Variants in RPS6KB1 observed in about 807,000 individuals in gnomAD.
RPS6KB1 encodes ribosomal protein S6 kinase beta-1.
RPS6KB1 carries 12 observed loss-of-function variants against 70.2 expected under a neutral mutation model. The ratio of observed to expected loss-of-function variants is 0.17; its 90% confidence interval spans 0.11 to 0.28. RPS6KB1 has a LOEUF of 0.28. RPS6KB1 is among the 10% of genes least tolerant of loss of function. The pLI is 1.00. For synonymous variants in RPS6KB1, 175 were observed against 211.2 expected (o/e 0.83, Z 1.49); for missense variants, 270 against 646.6 (o/e 0.42, Z 6.32).
intron 10 of RPS6KB1, 48 bp downstream of exon 10, chr17:59,935,348 A>G (rs2044166299): frequency 2.1e-6 from 2 of 949,190 alleles, no homozygotes; most frequent in African/African-American, 1.6e-5. Flanking sequence ...AATGACTAGG[A>G]TTTAACTAGA....
intron 1 of RPS6KB1, among the ~76,000 whole-genome samples, chr17:59,898,532 C>T (rs2041704107): frequency 6.6e-6 from 1 of 151,946 alleles, no homozygotes; most frequent in South Asian, 2.1e-4. Flanking sequence ...CGGCTCACTG[C>T]AACCTCTGCC....
intron 1 of RPS6KB1, among the ~76,000 whole-genome samples, chr17:59,902,106 T>G (rs2041992381): frequency 7.3e-6 from 1 of 137,706 alleles, no homozygotes; most frequent in South Asian, 2.5e-4. Context: ...TTCACTTTTT[T>G]TTTTTTTTTT....
intron 5 of RPS6KB1, among the ~76,000 whole-genome samples, chr17:59,929,049 T>G (rs1042819915): frequency 4.6e-5 from 7 of 152,200 alleles, no homozygotes; most frequent in Admixed American, 4.6e-4. Flanking sequence ...GACGTTTTTG[T>G]CTTTGTAATT....
At chr17:59,931,805 C>A in intron 7 of RPS6KB1, 83 bp downstream of exon 7, 1 of 822,922 alleles carries the variant, frequency 1.2e-6, no homozygotes, top group East Asian at 2.6e-5. Context: ...TTCAAAGCCC[C>A]AAATTCATCT....
chr17:59,902,263 C>T (rs1282891579), intron 1 of RPS6KB1, among the ~76,000 whole-genome samples: 1 of 151,712 alleles, frequency 6.6e-6, no homozygotes, highest in Non-Finnish European at 1.5e-5. Flanking sequence ...CGCCACCACA[C>T]CTGGCTAATT....
intron 1 of RPS6KB1, among the ~76,000 whole-genome samples, chr17:59,896,026 T>C (rs1266044093): frequency 6.6e-6 from 1 of 152,190 alleles, no homozygotes; most frequent in Non-Finnish European, 1.5e-5. Context: ...GAAACAAATA[T>C]GAGATTACTT....
intron 13 of RPS6KB1, 69 bp from the exon 14 acceptor site, chr17:59,945,337 T>C (rs912110107): frequency 2.2e-5 from 18 of 807,034 alleles, no homozygotes; most frequent in Middle Eastern, 3.5e-4. Context: ...TATGTCAGAC[T>C]GAACAACCCC....
chr17:59,901,438 C>T (rs867572502), intron 1 of RPS6KB1, among the ~76,000 whole-genome samples: 87 of 150,030 alleles, frequency 5.8e-4, no homozygotes, highest in African/African-American at 2.0e-3. Flanking sequence ...CGTGAGCCAC[C>T]GCGCCTGGCC....
At chr17:59,901,892 G>A (rs899221592) in intron 1 of RPS6KB1, among the ~76,000 whole-genome samples, 10 of 150,986 alleles carry the variant, frequency 6.6e-5, no homozygotes, top group African/African-American at 1.5e-4. Flanking sequence ...GGTGGTGTGC[G>A]GCTGTAGTCT....
intron 1 of RPS6KB1, among the ~76,000 whole-genome samples, chr17:59,901,813 T>C (rs1483982545): frequency 6.6e-6 from 1 of 151,620 alleles, no homozygotes; most frequent in Non-Finnish European, 1.5e-5. Context: ...GGAGGATCAC[T>C]TGAGACTAGC....
chr17:59,923,010 C>T (rs917411896), intron 4 of RPS6KB1, among the ~76,000 whole-genome samples: 30 of 149,712 alleles, frequency 2.0e-4, no homozygotes, highest in Admixed American at 4.7e-4. Flanking sequence ...GGGATAGGTG[C>T]GTGCCACCAT....
At chr17:59,920,316 C>T (rs1182384220) in intron 4 of RPS6KB1, among the ~76,000 whole-genome samples, 3 of 152,156 alleles carry the variant, frequency 2.0e-5, no homozygotes, top group Non-Finnish European at 4.4e-5. Context: ...CTGCGCCCGG[C>T]CTCCACTGTC....
Position 59,950,444 on chromosome 17 carries a change from T to A in RPS6KB1, c.*3656T>A. The A allele has an allele frequency of 6.5e-6, 1 of 152,720 alleles. No individual in the cohort carries two copies. The allele number at this position is 152,720 out of a possible 1,614,324, so 9.5% of individuals were successfully genotyped here. ...AACATAAATAGAAGTGATTTATTTTTTTATTATCTTAAAGATAGGAAGGAA... is the reference window on the plus strand; with the variant it reads ...AACATAAATAGAAGTGATTTATTTTATTATTATCTTAAAGATAGGAAGGAA... On this transcript the variant is annotated 3_prime_UTR_variant, in exon 15 of 15. Transcript: ENST00000225577.
chr17:59,911,911 G>C lies in RPS6KB1; in HGVS notation c.192-773G>C, dbSNP rs144369472. Among the ~76,000 whole-genome samples the C allele has an allele frequency of 3.4e-3, 517 of 152,166 alleles. 2 individuals are homozygous for C. The highest frequency in any genetic ancestry group is 0.012 in the African/African-American group (482 of 41,534). ...ACGCCCATTGGATTCTTTAAATCAA[G>C]CTAATAACTTGAAAAAACAGATACA... On this transcript the variant is annotated intron_variant, in intron 2 of 14. Transcript: ENST00000225577.
chr17:59,912,888 T>C lies in RPS6KB1; in HGVS notation c.312+84T>C, dbSNP rs945913494. On this transcript the variant is annotated intron_variant, in intron 3 of 14. Transcript: ENST00000225577. ...CCCTGGTTCCAGCAGTCATCTTCAG[T>C]CTTTGTCAGCTATCAGCAAAGGATG... 4 of 1,438,218 alleles carry C rather than the reference T, an allele frequency of 2.8e-6. No homozygotes were observed. The African/African-American group carries it at 5.6e-5, about 20-fold the overall frequency. The allele number at this position is 1,438,218 out of a possible 1,614,324, so 89.1% of individuals were successfully genotyped here.
At chr17:59,941,252 C>T (rs190902344) in intron 13 of RPS6KB1, among the ~76,000 whole-genome samples, 17 of 151,280 alleles carry the variant, frequency 1.1e-4, no homozygotes, top group Non-Finnish European at 1.8e-4. Flanking sequence ...TTAGTCATAG[C>T]AGTCGGGGAG....
At chr17:59,915,801 T>TTTTTG (rs2042925832) in intron 4 of RPS6KB1, among the ~76,000 whole-genome samples, 1 of 119,406 alleles carries the variant, frequency 8.4e-6, no homozygotes. Flanking sequence ...TTTTTTTTTA[T>TTTTTG]TGTGACAGAG....
In RPS6KB1 at chr17:59,906,693, T is replaced by A. The variant is rs115590462; in HGVS notation, c.142-3869T>A. Among the ~76,000 whole-genome samples, 763 of 152,100 alleles carry A rather than the reference T, an allele frequency of 5.0e-3. 8 individuals carry two copies. Among genetic ancestry groups the A allele is most frequent in the African/African-American group, 0.018 (727 of 41,502 alleles). On this transcript the variant is annotated intron_variant, in intron 1 of 14. Transcript: ENST00000225577. ...CTTTGCATTTCTTTCTTTCTTTACTTTTTTTTGTTTGTTTGTTTTGAGATG... is the reference window on the plus strand; with the variant it reads ...CTTTGCATTTCTTTCTTTCTTTACTATTTTTTGTTTGTTTGTTTTGAGATG...
rs1221587370 is a variant in RPS6KB1 at position 59,950,305 on chromosome 17, T to G, written c.*3517T>G. 1 of 152,592 alleles carries G rather than the reference T, an allele frequency of 6.6e-6. No homozygotes were observed. The highest frequency in any genetic ancestry group is 1.9e-4 in the East Asian group (1 of 5,204). The allele number at this position is 152,592 out of a possible 1,614,324, so 9.5% of individuals were successfully genotyped here. A position where few individuals can be genotyped will look rare whatever the true frequency, so the allele number is the denominator to read the frequency against. On this transcript the variant is annotated 3_prime_UTR_variant, in exon 15 of 15. Coordinates refer to ENST00000225577, the MANE Select transcript of RPS6KB1 (RefSeq NM_003161.4). Reference sequence around the variant, plus strand: ...AAATAAAATTCTTCAGCTGCCTTATTAGGAGTGCTATGAGGGTAACACCTG... The same window carrying G: ...AAATAAAATTCTTCAGCTGCCTTATGAGGAGTGCTATGAGGGTAACACCTG...
Sources: gnomAD v4.1 joint callset for allele counts (sites outside exome capture counted in the v4.1 genomes callset) on GRCh38, gnomAD v4.1.1 for gene constraint, MANE v1.5 for transcripts, NCBI Gene and HGNC (gene_info 2026-07-23, HGNC 2026-07-21) for gene names.